The following PCBP3 variants were observed in gnomAD, a reference collection of about 807,000 sequenced individuals.
PCBP3 encodes poly(rC) binding protein 3.
A neutral mutation model predicts 52.7 loss-of-function variants in PCBP3; 25 were observed. The ratio of observed to expected loss-of-function variants is 0.47; its 90% CI spans 0.35 to 0.66. PCBP3 has a LOEUF of 0.66. Ranked by LOEUF, PCBP3 falls within the 30% of genes least tolerant of loss-of-function variation. PCBP3 has a pLI of 0.01. For synonymous variants in PCBP3, 162 were observed against 183.0 expected, an observed-to-expected ratio of 0.89 and a Z score of 0.93; for missense variants, 391 against 490.3, an observed-to-expected ratio of 0.80 and a Z score of 1.91.
At chr21:45,822,907 C>G (rs1312936329) in intron 4 of PCBP3, among the ~76,000 whole-genome samples, 1 of 152,176 alleles carries the variant, frequency 6.6e-6, no homozygotes, top group East Asian at 1.9e-4. Context: ...AGGAAGCCCC[C>G]AGAGGTGAAG....
At chr21:45,646,946 T>G (rs1483582231) in intron 1 of PCBP3, among the ~76,000 whole-genome samples, 1 of 152,222 alleles carries the variant, frequency 6.6e-6, no homozygotes, top group Non-Finnish European at 1.5e-5. Context: ...TAGAGCTATA[T>G]CTACTCTCTT....
intron 4 of PCBP3, 53 bp from the exon 5 acceptor site, chr21:45,849,908 C>T (rs756290839): frequency 1.5e-4 from 94 of 629,884 alleles, no homozygotes; most frequent in Admixed American, 2.8e-4. Context: ...CCAGTGCTGG[C>T]GGAGAGGCCC....
chr21:45,766,281 C>A (rs1448502077), intron 4 of PCBP3, among the ~76,000 whole-genome samples: 1 of 152,334 alleles, frequency 6.6e-6, no homozygotes. Flanking sequence ...CCGGATTGTG[C>A]CCCCAAGTTC....
intron 4 of PCBP3, among the ~76,000 whole-genome samples, chr21:45,801,476 C>A (rs899300295): frequency 6.6e-6 from 1 of 152,214 alleles, no homozygotes; most frequent in Non-Finnish European, 1.5e-5. Flanking sequence ...CACTCAGGTT[C>A]CATGGCCTTG....
At chr21:45,776,923 C>T (rs567986199) in intron 4 of PCBP3, among the ~76,000 whole-genome samples, 1 of 152,012 alleles carries the variant, frequency 6.6e-6, no homozygotes, top group African/African-American at 2.4e-5. Context: ...TTCTTTGTTT[C>T]TTTTTCTCTT....
At chr21:45,814,973 GATGA>G (rs1337316231) in intron 4 of PCBP3, among the ~76,000 whole-genome samples, 5 of 124,648 alleles carry the variant, frequency 4.0e-5, no homozygotes, top group East Asian at 2.7e-4. Flanking sequence ...AGTGGTGAGT[GATGA>G]GTGAGTGGTG....
At chr21:45,850,282 T>G (rs1213239350) in intron 5 of PCBP3, among the ~76,000 whole-genome samples, 187 bp downstream of exon 5, 4 of 152,146 alleles carry the variant, frequency 2.6e-5, no homozygotes, top group African/African-American at 9.7e-5. Flanking sequence ...GATCCCTGCT[T>G]TTGATAGCAG....
At chr21:45,828,367 T>A (rs936320761) in intron 4 of PCBP3, 5 of 152,214 alleles carry the variant, frequency 3.3e-5, no homozygotes, top group African/African-American at 1.2e-4. Context: ...GGTGAGTTAC[T>A]CTCGCTCTGG....
intron 4 of PCBP3, among the ~76,000 whole-genome samples, chr21:45,789,474 A>C (rs1340630880): frequency 6.6e-6 from 1 of 152,214 alleles, no homozygotes; most frequent in Non-Finnish European, 1.5e-5. Context: ...GGGGGTTGCC[A>C]GTGTTCAATA....
chr21:45,793,370 A>C (rs769834992), intron 4 of PCBP3, among the ~76,000 whole-genome samples: 1 of 152,134 alleles, frequency 6.6e-6, no homozygotes, highest in Non-Finnish European at 1.5e-5. Flanking sequence ...ACCGAGGACC[A>C]GCGAGTCCAG....
rs375928654 is a variant in PCBP3 at position 45,874,691 on chromosome 21, A to G, written c.11-21517A>G. The stretch of plus-strand genomic sequence containing the variant: ...CCGGCTACTTTTTTGTATTTTTAGT[A>G]GAGAGGGTTTTGCCATGTTGGCCAG... On this transcript the variant is annotated intron_variant, in intron 5 of 17. Transcript: ENST00000681687. 2.0e-5 allele frequency among the ~76,000 whole-genome samples: 3 copies of G among 152,044 alleles called. No homozygotes were observed. In the East Asian group the frequency reaches 5.8e-4, roughly 29 times the overall value.
At chr21:45,784,513 C>T (rs528878651) in intron 4 of PCBP3, among the ~76,000 whole-genome samples, 6 of 152,108 alleles carry the variant, frequency 3.9e-5, no homozygotes, top group Non-Finnish European at 7.4e-5. Context: ...GATGCCGAGC[C>T]GAAGCTGGAC....
At chr21:45,689,159 A>C (rs914341297) in intron 2 of PCBP3, among the ~76,000 whole-genome samples, 1 of 152,098 alleles carries the variant, frequency 6.6e-6, no homozygotes, top group African/African-American at 2.4e-5. Context: ...ACTCAGGATC[A>C]TAGATATAAA....
chr21:45,715,811 A>T (rs1168448686), intron 2 of PCBP3, among the ~76,000 whole-genome samples: 1 of 151,954 alleles, frequency 6.6e-6, no homozygotes, highest in East Asian at 1.9e-4. Flanking sequence ...TATTCAAATC[A>T]TTTTCCCATT....
At chr21:45,766,421 G>A (rs748310317) in intron 4 of PCBP3, among the ~76,000 whole-genome samples, 9 of 152,310 alleles carry the variant, frequency 5.9e-5, no homozygotes, top group Non-Finnish European at 1.3e-4. Context: ...GAGGAGGAAG[G>A]GATGCGAGAG....
chr21:45,815,147 G>A (rs369082007), intron 4 of PCBP3, among the ~76,000 whole-genome samples: 1,748 of 16,638 alleles, frequency 0.11, 7 homozygotes, highest in East Asian at 0.27. Flanking sequence ...GTGGTGAGTG[G>A]TGAGTGAGTG....
rs2093397232 is a variant in PCBP3 at position 45,829,643 on chromosome 21, C to G, written c.-125-20318C>G. The G allele has an allele frequency of 6.6e-6, 1 of 152,224 alleles. No homozygotes were observed. Among genetic ancestry groups the G allele is most frequent in the Non-Finnish European group, 1.5e-5 (1 of 68,060 alleles). 9.4% of individuals were successfully genotyped at this position (152,224 alleles called of 1,614,324 possible). ...GTTACTGGGTTTCCTCACCCCAGAC[C>G]CCACCTGAAGAGCAAAGTTCTGAAG... is the stretch of plus-strand genomic sequence containing the variant. On this transcript the variant is annotated intron_variant, in intron 4 of 17. Coordinates refer to ENST00000681687, the MANE Select transcript of PCBP3 (RefSeq NM_001384156.1). This position sits in a 1 kb window ranked among gnomAD's most constrained non-coding sequence, Gnocchi z 5.2.
chr21:45,784,385 T>TCTACCG (rs1358533862), intron 4 of PCBP3, among the ~76,000 whole-genome samples: 40 of 116,536 alleles, frequency 3.4e-4, no homozygotes, highest in Admixed American at 7.6e-4. Flanking sequence ...TACCTCTACC[T>TCTACCG]CTACCTCTAC....
In PCBP3 at chr21:45,730,882, T is replaced by C. The variant is rs1403990156; in HGVS notation, c.-199-4510T>C. ...ATTAGAGTTAACATGTCACATTTTT[T>C]CCCATCCTTTTTCTTTTAACCTCTG... On this transcript the variant is annotated intron_variant, in intron 2 of 17. Coordinates refer to ENST00000681687, the MANE Select transcript of PCBP3 (RefSeq NM_001384156.1). Among the ~76,000 whole-genome samples the C allele has an allele frequency of 1.3e-5, 2 of 152,194 alleles. 1 individual carries two copies. The highest frequency in any genetic ancestry group is 2.9e-5 in the Non-Finnish European group (2 of 68,026).
Sources: allele counts gnomAD v4.1 joint callset (sites outside exome capture counted in the v4.1 genomes callset), GRCh38; gene constraint gnomAD v4.1.1; non-coding constraint Gnocchi (gnomAD v3.1); transcripts MANE v1.5; gene names NCBI Gene and HGNC (gene_info 2026-07-23, HGNC 2026-07-21).